PIBF1: variants seen among roughly 807,000 people sequenced by gnomAD.
PIBF1 encodes the protein progesterone immunomodulatory binding factor 1.
Under a neutral mutation model 112.5 loss-of-function variants are expected in PIBF1, and 90 were observed. That is an observed-to-expected ratio of 0.80 (90% CI 0.67 to 0.95). The LOEUF (loss-of-function observed/expected upper bound fraction) is 0.95, where lower values mean the gene tolerates loss of function less well. PIBF1 is among the 40% of genes least tolerant of loss of function. PIBF1 has a pLI of 0.00. For synonymous variants in PIBF1, 301 were observed against 288.6 expected, an observed-to-expected ratio of 1.04 and a Z score of -0.44; for missense variants, 915 against 852.3, an observed-to-expected ratio of 1.07 and a Z score of -0.92.
chr13:72,989,352 G>A (rs777678974), intron 16 of PIBF1, among the ~76,000 whole-genome samples: 1 of 152,200 alleles, frequency 6.6e-6, no homozygotes, highest in Non-Finnish European at 1.5e-5. Context: ...CAGCTGATGA[G>A]TAAACAAAAT....
At chr13:72,817,682 G>A (rs1213428483) in intron 5 of PIBF1, among the ~76,000 whole-genome samples, 1 of 152,140 alleles carries the variant, frequency 6.6e-6, no homozygotes, top group African/African-American at 2.4e-5. Flanking sequence ...TAAACTCTAG[G>A]TTATTGCTGG....
At chr13:72,851,057 A>G (rs1447856338) in intron 9 of PIBF1, among the ~76,000 whole-genome samples, 4 of 152,214 alleles carry the variant, frequency 2.6e-5, no homozygotes, top group African/African-American at 7.2e-5. Flanking sequence ...TGTTGTTAAT[A>G]TTGATGGCAG....
At chr13:72,808,208 T>C (rs1361422349) in intron 5 of PIBF1, among the ~76,000 whole-genome samples, 1 of 152,226 alleles carries the variant, frequency 6.6e-6, no homozygotes, top group Non-Finnish European at 1.5e-5. Context: ...AATTTCAGTT[T>C]GGTTATTTAT....
At chr13:72,931,730 A>ATATATATATATATATG (rs2041707011) in intron 14 of PIBF1, among the ~76,000 whole-genome samples, 1 of 144,080 alleles carries the variant, frequency 6.9e-6, no homozygotes, top group African/African-American at 2.5e-5. Context: ...ATATATATAT[A>ATATATATATATATATG]TATATATATA....
chr13:72,911,930 G>A (rs2040907677), intron 12 of PIBF1, among the ~76,000 whole-genome samples: 1 of 151,432 alleles, frequency 6.6e-6, no homozygotes, highest in African/African-American at 2.4e-5. Flanking sequence ...AGGAGTTCAA[G>A]ATTAGCCTGA....
chr13:72,841,329 T>C (rs964769678), intron 9 of PIBF1, among the ~76,000 whole-genome samples: 13 of 152,216 alleles, frequency 8.5e-5, no homozygotes, highest in Admixed American at 4.6e-4. Context: ...GACCCTCTTA[T>C]GCATTTGGAA....
chr13:72,794,826 A>G (rs1263402514), intron 3 of PIBF1, among the ~76,000 whole-genome samples: 1 of 152,196 alleles, frequency 6.6e-6, no homozygotes, highest in Non-Finnish European at 1.5e-5. Flanking sequence ...CAGACTAATA[A>G]CATCAGATTG....
At chr13:72,844,616 G>T (rs1476003154) in intron 9 of PIBF1, among the ~76,000 whole-genome samples, 1 of 151,736 alleles carries the variant, frequency 6.6e-6, no homozygotes, top group Non-Finnish European at 1.5e-5. Context: ...GTGTTAGTTT[G>T]CTGAGAATGA....
At chr13:72,923,747 C>G (rs2138724951) in intron 13 of PIBF1, among the ~76,000 whole-genome samples, 1 of 152,246 alleles carries the variant, frequency 6.6e-6, no homozygotes, top group African/African-American at 2.4e-5. Context: ...GGTGAATCAC[C>G]TGAGGTCAGG....
intron 11 of PIBF1, among the ~76,000 whole-genome samples, chr13:72,906,115 A>T (rs946366267): frequency 6.6e-5 from 10 of 152,124 alleles, no homozygotes; most frequent in Non-Finnish European, 1.3e-4. Context: ...GACAATTCTT[A>T]TTTATAATTA....
At chr13:72,932,198 G>A (rs1282691511) in intron 14 of PIBF1, among the ~76,000 whole-genome samples, 1 of 151,886 alleles carries the variant, frequency 6.6e-6, no homozygotes, top group Admixed American at 6.6e-5. Context: ...CCTGCCTAGG[G>A]CCTCTGAAAG....
chr13:72,983,620 T>C (rs972866568), intron 16 of PIBF1, among the ~76,000 whole-genome samples: 60 of 152,204 alleles, frequency 3.9e-4, no homozygotes, highest in African/African-American at 1.4e-3. Context: ...GGTATGTTTG[T>C]GTTCCCAGAT....
At chr13:72,880,536 A>G (rs753006824) in intron 10 of PIBF1, among the ~76,000 whole-genome samples, 9 of 152,170 alleles carry the variant, frequency 5.9e-5, no homozygotes, top group Non-Finnish European at 1.2e-4. Flanking sequence ...TGAGATTATC[A>G]CTGTTATGCT....
At chr13:72,994,840 T>G (rs985360871) in intron 16 of PIBF1, among the ~76,000 whole-genome samples, 2 of 152,216 alleles carry the variant, frequency 1.3e-5, no homozygotes, top group African/African-American at 4.8e-5. Flanking sequence ...TTGCCTGTTA[T>G]GTTGGATTGT....
At chr13:73,005,202 A>T (rs2043994076) in intron 17 of PIBF1, among the ~76,000 whole-genome samples, 1 of 151,972 alleles carries the variant, frequency 6.6e-6, no homozygotes, top group Non-Finnish European at 1.5e-5. Context: ...AGTTAATGGG[A>T]TAAATCTTAT....
chr13:72,849,241 T>G (rs1441738440), intron 9 of PIBF1, among the ~76,000 whole-genome samples: 1 of 152,220 alleles, frequency 6.6e-6, no homozygotes, highest in African/African-American at 2.4e-5. Flanking sequence ...TTTATACAAG[T>G]ATTTTAAGGA....
At chr13:72,803,968 C>T (rs774553987) in intron 5 of PIBF1, among the ~76,000 whole-genome samples, 12 of 152,118 alleles carry the variant, frequency 7.9e-5, no homozygotes, top group Non-Finnish European at 1.5e-4. Context: ...TCTTCTGTTA[C>T]TTGGAATGTT....
chr13:72,927,966 T>TATACACAC (rs1555316889), intron 13 of PIBF1, among the ~76,000 whole-genome samples: 1 of 99,432 alleles, frequency 1.0e-5, no homozygotes, highest in African/African-American at 6.7e-5. Flanking sequence ...TATACACATA[T>TATACACAC]ATATATATAT....
intron 5 of PIBF1, among the ~76,000 whole-genome samples, chr13:72,806,645 G>A (rs1194124975): frequency 6.6e-6 from 1 of 152,052 alleles, no homozygotes; most frequent in African/African-American, 2.4e-5. Flanking sequence ...TCCTTGTGAT[G>A]GTTTGCGGAG....
Sources: gnomAD v4.1 joint callset for allele counts (sites outside exome capture counted in the v4.1 genomes callset) on GRCh38, gnomAD v4.1.1 for gene constraint, MANE v1.5 for transcripts, NCBI Gene and HGNC (gene_info 2026-07-23, HGNC 2026-07-21) for gene names.